Variants in YLPM1 observed in about 807,000 individuals in gnomAD.
The protein encoded by YLPM1 is YLP motif-containing protein 1.
YLPM1 carries 99 observed loss-of-function variants against 230.0 expected under a neutral mutation model. That is an observed-to-expected ratio of 0.43 (90% CI 0.37 to 0.51). YLPM1 has a LOEUF of 0.51. YLPM1 is among the 20% of genes least tolerant of loss of function. YLPM1 has a pLI of 0.00. For synonymous variants in YLPM1, 984 were observed against 942.5 expected (o/e 1.04, Z -0.81); for missense variants, 2,592 against 2,707.7 (o/e 0.96, Z 0.95).
At chr14:74,803,975 T>G (rs2091353312) in intron 6 of YLPM1, among the ~76,000 whole-genome samples, 1 of 152,068 alleles carries the variant, frequency 6.6e-6, no homozygotes, top group South Asian at 2.1e-4. Context: ...CTGACCAACT[T>G]GGAGAAACCC....
At position 74,802,689 on chromosome 14, in the gene YLPM1, G is replaced by C; in HGVS notation, c.4521+13G>C. On this transcript the variant is annotated intron_variant, in intron 6 of 20. Transcript: ENST00000325680. ...TGGAATGTATCCGGTATGGGAGAAT[G>C]TGTGCTCAGAAAATGAAATGGTTTC... is the stretch of plus-strand genomic sequence containing the variant. 6.3e-7 allele frequency: 1 copy of C among 1,581,656 alleles called. No homozygotes were observed. The highest frequency in any genetic ancestry group is 8.6e-7 in the Non-Finnish European group (1 of 1,166,422).
At chr14:74,796,000 A>C (rs56752191) in intron 4 of YLPM1, among the ~76,000 whole-genome samples, 22,301 of 152,262 alleles carry the variant, frequency 0.15, 1,786 homozygotes, top group South Asian at 0.29. Context: ...GGGACAACCC[A>C]GAAGATGTGC....
rs774691334 is a variant in YLPM1 at position 74,799,075 on chromosome 14, A to G, written c.3778A>G (p.Arg1260Gly). 1.9e-6 allele frequency: 3 copies of G among 1,613,994 alleles called. No homozygotes were observed. The highest frequency in any genetic ancestry group is 1.1e-5 in the South Asian group (1 of 91,080). ...APPSRSHDGDRRGPWWDDWER... is the reference protein window; with the variant it reads ...APPSRSHDGDGRGPWWDDWER... Reference sequence around the variant, plus strand: ...ACCATCTCGGTCTCATGATGGAGATAGGCGAGGCCCTTGGTGGGATGATTG... The same window carrying G: ...ACCATCTCGGTCTCATGATGGAGATGGGCGAGGCCCTTGGTGGGATGATTG... Residue 1260 changes from arginine to glycine, a missense_variant, in exon 5 of 21, where the codon AGG (arginine) becomes GGG (glycine). Coordinates refer to ENST00000325680, the MANE Select transcript of YLPM1 (RefSeq NM_019589.3).
intron 4 of YLPM1, among the ~76,000 whole-genome samples, chr14:74,794,967 C>T (rs1158540798): frequency 1.3e-5 from 2 of 152,172 alleles, no homozygotes; most frequent in Non-Finnish European, 2.9e-5. Context: ...TGGGGTGACC[C>T]AGGCTTTCAT....
At chr14:74,814,176 A>C (rs2091457899) in intron 11 of YLPM1, among the ~76,000 whole-genome samples, 1 of 152,200 alleles carries the variant, frequency 6.6e-6, no homozygotes, top group African/African-American at 2.4e-5. Flanking sequence ...CCTGGCTAAC[A>C]CGGTGAAACC....
intron 4 of YLPM1, among the ~76,000 whole-genome samples, chr14:74,791,888 C>T (rs1046348362): frequency 2.0e-5 from 3 of 152,064 alleles, no homozygotes; most frequent in African/African-American, 7.2e-5. Flanking sequence ...GGACTTTGCT[C>T]ATATTTAGAA....
intron 4 of YLPM1, among the ~76,000 whole-genome samples, chr14:74,794,896 C>G (rs1323273137): frequency 6.6e-6 from 1 of 152,208 alleles, no homozygotes; most frequent in Non-Finnish European, 1.5e-5. Flanking sequence ...TCTTCCACTA[C>G]TCATTCCATA....
chr14:74,777,998 G>A (rs2091058686), intron 1 of YLPM1, among the ~76,000 whole-genome samples: 2 of 151,742 alleles, frequency 1.3e-5, no homozygotes, highest in African/African-American at 4.8e-5. Flanking sequence ...AGAAAAGAGG[G>A]AGGAGTGCTT....
In YLPM1 at chr14:74,799,393, C is replaced by T. The variant is rs367980660; in HGVS notation, c.4096C>T (p.Arg1366Cys). ...NREHGYDRDF[R>C]DRGELRIREY... is the part of the protein sequence containing the mutation. ...AGAGCATGGGTATGATCGAGATTTC[C>T]GTGATAGGGGTGAGTTGAGGATTCG... is the stretch of plus-strand genomic sequence containing the variant. Residue 1366 changes from arginine to cysteine, a missense_variant, in exon 5 of 21, where the codon CGT (arginine) becomes TGT (cysteine). Arg to Cys is a radical substitution (Grantham distance 180). Transcript: ENST00000325680. 3.0e-5 allele frequency: 48 copies of T among 1,613,640 alleles called. No homozygotes were observed. The highest frequency in any genetic ancestry group is 2.5e-4 in the African/African-American group (19 of 74,846).
intron 1 of YLPM1, among the ~76,000 whole-genome samples, chr14:74,766,068 C>A (rs2140064823): frequency 6.6e-6 from 1 of 152,310 alleles, no homozygotes; most frequent in South Asian, 2.1e-4. Flanking sequence ...TGTGCTCACC[C>A]ATCTGGTTTG....
intron 1 of YLPM1, among the ~76,000 whole-genome samples, chr14:74,776,406 A>G (rs974967865): frequency 5.3e-5 from 8 of 152,224 alleles, no homozygotes; most frequent in African/African-American, 1.9e-4. Flanking sequence ...CATTGTACTC[A>G]TGGCCAACAG....
intron 6 of YLPM1, 49 bp downstream of exon 6, chr14:74,802,725 G>A: frequency 6.7e-7 from 1 of 1,498,332 alleles, no homozygotes; most frequent in Non-Finnish European, 8.9e-7. Context: ...TACTTTGTAT[G>A]TTTCTATGTT....
chr14:74,800,860 T>C (rs930121819), intron 5 of YLPM1, among the ~76,000 whole-genome samples: 2 of 152,350 alleles, frequency 1.3e-5, no homozygotes, highest in East Asian at 3.9e-4. Flanking sequence ...TTGCTAATAA[T>C]TGAGTGTATA....
intron 4 of YLPM1, 52 bp from the exon 5 acceptor site, chr14:74,797,528 T>C: frequency 7.9e-7 from 1 of 1,273,002 alleles, no homozygotes; most frequent in Non-Finnish European, 1.0e-6. Flanking sequence ...ACATGGAGAA[T>C]TTTTTTTTTC....
rs2140108328 is a variant in YLPM1 at position 74,797,591 on chromosome 14, C to T, written c.2294C>T (p.Pro765Leu). Residue 765 changes from proline to leucine, a missense_variant, in exon 5 of 21, where the codon CCT becomes CTT. Transcript: ENST00000325680. ...TGTTTTACTTGTAGATTTGATGGTC[C>T]TCGAAGATTTGAGGATTTAGGGTCA... is the stretch of plus-strand genomic sequence containing the variant. ...ESPRGPRFDG[P>L]RRFEDLGSRC... The T allele has an allele frequency of 2.7e-6, 4 of 1,474,266 alleles. No homozygotes were observed. Among genetic ancestry groups the T allele is most frequent in the African/African-American group, 1.4e-5 (1 of 70,440 alleles). The allele number at this position is 1,474,266 out of a possible 1,614,324, so 91.3% of individuals were successfully genotyped here.
At chr14:74,792,465 C>G (rs1287886592) in intron 4 of YLPM1, among the ~76,000 whole-genome samples, 1 of 152,230 alleles carries the variant, frequency 6.6e-6, no homozygotes, top group African/African-American at 2.4e-5. Context: ...CTAATCCTCT[C>G]TCTGTGCCCT....
At position 74,806,787 on chromosome 14, in the gene YLPM1, T is replaced by G. The variant is rs1407065941; in HGVS notation, c.4522-2593T>G. 3.3e-5 allele frequency among the ~76,000 whole-genome samples: 5 copies of G among 151,646 alleles called. 1 individual carries two copies. In the East Asian group the frequency reaches 7.7e-4, roughly 23 times the overall value. ...AAATTCTGTTTGTGTCCTTCACCCA[T>G]TTATCTGTTTGAGTCAGGTTTTTTT... On this transcript the variant is annotated intron_variant, in intron 6 of 20. Transcript: ENST00000325680.
intron 3 of YLPM1, 134 bp downstream of exon 3, chr14:74,780,718 A>G (rs949942078): frequency 5.6e-6 from 8 of 1,423,588 alleles, no homozygotes; most frequent in African/African-American, 1.4e-5. Flanking sequence ...GGGGTGCCCA[A>G]GTAGTTATCT....
intron 4 of YLPM1, among the ~76,000 whole-genome samples, chr14:74,794,976 A>G (rs1184742646): frequency 6.6e-6 from 1 of 152,292 alleles, no homozygotes; most frequent in Non-Finnish European, 1.5e-5. Context: ...CCAGGCTTTC[A>G]TTCTTGAAAG....
Sources: allele counts gnomAD v4.1 joint callset (sites outside exome capture counted in the v4.1 genomes callset), GRCh38; gene constraint gnomAD v4.1.1; transcripts MANE v1.5; gene names NCBI Gene and HGNC (gene_info 2026-07-23, HGNC 2026-07-21).